SLCO3A1: variants seen among roughly 807,000 people sequenced by gnomAD.
SLCO3A1 encodes solute carrier organic anion transporter family member 3A1.
SLCO3A1 carries 27 observed loss-of-function variants against 63.1 expected under a neutral mutation model. The ratio of observed to expected loss-of-function variants is 0.43; its 90% CI spans 0.32 to 0.59. SLCO3A1 has a LOEUF of 0.59. Ranked by LOEUF, SLCO3A1 falls within the 20% of genes least tolerant of loss-of-function variation. The probability of loss-of-function intolerance (pLI) is 0.09; values close to 1 mark genes in which losing one functional copy is unlikely to be tolerated. For missense variants in SLCO3A1, 773 were observed against 945.8 expected (o/e 0.82, Z 2.40); for synonymous variants, 473 against 409.9 (o/e 1.15, Z -1.86).
chr15:92,101,814 G>A (rs1053534879), intron 3 of SLCO3A1, among the ~76,000 whole-genome samples: 12 of 152,104 alleles, frequency 7.9e-5, no homozygotes, highest in African/African-American at 1.7e-4. Context: ...GTACTTGCCC[G>A]GGTGGCAGGC....
rs1597113844 is a variant in SLCO3A1 at position 91,912,566 on chromosome 15, C to T, written c.181-3427C>T. ...ATCACCCTTATCTGTCATCAATGTG[C>T]ACACCTGCATGATATTTTATGACAC... On this transcript the variant is annotated intron_variant, in intron 1 of 9. Coordinates refer to ENST00000318445, the MANE Select transcript of SLCO3A1 (RefSeq NM_013272.4). This position sits in a 1 kb window ranked among gnomAD's most constrained non-coding sequence, Gnocchi z 5.0. Among the ~76,000 whole-genome samples, 1 of 152,208 alleles carries T rather than the reference C, an allele frequency of 6.6e-6. No homozygotes were observed. Among genetic ancestry groups the T allele is most frequent in the East Asian group, 1.9e-4 (1 of 5,198 alleles).
At chr15:92,083,168 C>A (rs1339654859) in intron 2 of SLCO3A1, among the ~76,000 whole-genome samples, 1 of 152,168 alleles carries the variant, frequency 6.6e-6, no homozygotes, top group Admixed American at 6.5e-5. Context: ...ACCAGCCCTG[C>A]GAGATATTAT....
chr15:91,953,844 A>G (rs1900079971), intron 2 of SLCO3A1, among the ~76,000 whole-genome samples: 2 of 152,096 alleles, frequency 1.3e-5, no homozygotes, highest in South Asian at 2.1e-4. Flanking sequence ...TCTCCATCCA[A>G]CAGTGTCTTG....
At chr15:92,129,868 C>A (rs1289328990) in intron 7 of SLCO3A1, among the ~76,000 whole-genome samples, 1 of 149,486 alleles carries the variant, frequency 6.7e-6, no homozygotes, top group African/African-American at 2.5e-5. Flanking sequence ...GAAAATAAAT[C>A]ACCATGGGGG....
At chr15:92,131,956 T>G (rs1267719047) in intron 7 of SLCO3A1, among the ~76,000 whole-genome samples, 2 of 145,718 alleles carry the variant, frequency 1.4e-5, no homozygotes, top group Non-Finnish European at 3.1e-5. Context: ...CCTCCCTCAT[T>G]AAGCTGCAGG....
At chr15:92,011,883 G>A (rs1400849666) in intron 2 of SLCO3A1, among the ~76,000 whole-genome samples, 1 of 152,230 alleles carries the variant, frequency 6.6e-6, no homozygotes, top group Non-Finnish European at 1.5e-5. Flanking sequence ...TGAACATCAG[G>A]GAACCTCTCA....
chr15:91,916,276 C>G lies in SLCO3A1; in HGVS notation c.464C>G (p.Ser155Trp). The G allele has an allele frequency of 6.4e-7, 1 of 1,551,668 alleles. No homozygotes were observed. The highest frequency in any genetic ancestry group is 1.2e-5 in the South Asian group (1 of 85,220). ...CGCGACGTCTGCGCAGCCAACGGCT[C>G]GGGCGGCGACGAGGGGCCCGACCCC... is the stretch of plus-strand genomic sequence containing the variant. ...EGRDVCAANG[S>W]GGDEGPDPDL... is the part of the protein sequence containing the mutation. The change falls in exon 2 of 10, where the codon TCG becomes TGG. Residue 155 changes from serine (S) to tryptophan (W), a missense_variant. Physicochemically the swap from Ser to Trp is radical, Grantham distance 177 (BLOSUM62 -3). This residue lies in a region of SLCO3A1 where 565 missense variants were observed against 749.8 expected (regional missense o/e 0.75). Coordinates refer to ENST00000318445, the MANE Select transcript of SLCO3A1 (RefSeq NM_013272.4). This position sits in a 1 kb window ranked among gnomAD's most constrained non-coding sequence, Gnocchi z 6.2.
chr15:91,893,959 A>T (rs954394285), intron 1 of SLCO3A1, among the ~76,000 whole-genome samples: 2 of 152,234 alleles, frequency 1.3e-5, no homozygotes, highest in African/African-American at 4.8e-5. Flanking sequence ...CTTGAATGCC[A>T]GGAGGACCAA....
In SLCO3A1 at chr15:91,911,086, A is replaced by G. The variant is rs554851214; in HGVS notation, c.181-4907A>G. Among the ~76,000 whole-genome samples the G allele has an allele frequency of 2.0e-5, 3 of 152,336 alleles. No individual in the cohort carries two copies. In the East Asian group the frequency reaches 5.8e-4, roughly 29 times the overall value. On this transcript the variant is annotated intron_variant, in intron 1 of 9. Coordinates refer to ENST00000318445, the MANE Select transcript of SLCO3A1 (RefSeq NM_013272.4). ...CTCTGAATGTGTCCTGTCCTATGGC[A>G]ACATAGACTGAAGCTCTCCCTTTTG...
intron 2 of SLCO3A1, among the ~76,000 whole-genome samples, chr15:92,079,497 T>A (rs1028166558): frequency 6.6e-6 from 1 of 152,240 alleles, no homozygotes; most frequent in Non-Finnish European, 1.5e-5. Context: ...GTCTGTCCTC[T>A]GTACCTGAGC....
chr15:91,926,573 G>GTT (rs1413995881), intron 2 of SLCO3A1, among the ~76,000 whole-genome samples: 1 of 96,592 alleles, frequency 1.0e-5, no homozygotes, highest in Non-Finnish European at 2.2e-5. Context: ...GTGTGTGTGT[G>GTT]TGTGTGTGTG....
At chr15:92,081,387 A>G (rs553247754) in intron 2 of SLCO3A1, among the ~76,000 whole-genome samples, 18 of 150,030 alleles carry the variant, frequency 1.2e-4, no homozygotes, top group Non-Finnish European at 2.2e-4. Context: ...GTCTCGCTCT[A>G]TTGCCCAGGC....
At position 91,882,317 on chromosome 15, in the gene SLCO3A1, C is replaced by G. The variant is rs973126522; in HGVS notation, c.180+28229C>G. 3.3e-5 allele frequency among the ~76,000 whole-genome samples: 5 copies of G among 152,330 alleles called. No individual in the cohort carries two copies. In the East Asian group the frequency reaches 7.7e-4, roughly 24 times the overall value. On this transcript the variant is annotated intron_variant, in intron 1 of 9. Transcript: ENST00000318445. The surrounding 1 kb of genome is among the most constrained non-coding windows in gnomAD (Gnocchi z 4.4). ...TGGAATTGTGGACAAACCATTCACA[C>G]TCCTTAAATGGTATATATTGAACCC...
chr15:92,063,159 G>A (rs895492891), intron 2 of SLCO3A1, among the ~76,000 whole-genome samples: 2 of 152,224 alleles, frequency 1.3e-5, no homozygotes, highest in African/African-American at 4.8e-5. Flanking sequence ...ACGCTCTGAT[G>A]TTTTACCAGG....
intron 1 of SLCO3A1, among the ~76,000 whole-genome samples, chr15:91,889,681 T>C (rs1897823072): frequency 6.6e-6 from 1 of 152,272 alleles, no homozygotes; most frequent in Admixed American, 6.5e-5. Context: ...GTTCTCTACA[T>C]GTTCCTTTAG....
At position 91,859,890 on chromosome 15, in the gene SLCO3A1, GT is replaced by G. The variant is rs1384309638; in HGVS notation, c.180+5805del. 6.6e-6 allele frequency among the ~76,000 whole-genome samples: 1 copy of G among 152,182 alleles called. No homozygotes were observed. The highest frequency in any genetic ancestry group is 1.9e-4 in the East Asian group (1 of 5,196). ...TTATTTCAATTAAACTTTAGTTTTGGTTTAGTGAATTGCATATTCAAGTAGT... is the reference window on the plus strand; with the variant it reads ...TTATTTCAATTAAACTTTAGTTTTGGTTAGTGAATTGCATATTCAAGTAGT... On this transcript the variant is annotated intron_variant, in intron 1 of 9. Transcript: ENST00000318445. The surrounding 1 kb of genome is among the most constrained non-coding windows in gnomAD (Gnocchi z 5.1).
intron 1 of SLCO3A1, among the ~76,000 whole-genome samples, chr15:91,869,985 GA>G (rs1897250162): frequency 6.6e-6 from 1 of 152,160 alleles, no homozygotes; most frequent in Non-Finnish European, 1.5e-5. Context: ...AGAATTGGGG[GA>G]GAAGGGGGTC....
intron 2 of SLCO3A1, among the ~76,000 whole-genome samples, chr15:92,061,507 C>A (rs1054111057): frequency 7.2e-5 from 11 of 152,196 alleles, no homozygotes; most frequent in African/African-American, 2.7e-4. Context: ...ACTTCCCAAG[C>A]GTTTGTTCAC....
intron 1 of SLCO3A1, among the ~76,000 whole-genome samples, chr15:91,890,468 G>A (rs565114648): frequency 2.0e-5 from 3 of 152,106 alleles, no homozygotes; most frequent in African/African-American, 7.2e-5. Context: ...GACTGCCAGA[G>A]CCCTCCCAGT....
Sources: allele counts gnomAD v4.1 joint callset (sites outside exome capture counted in the v4.1 genomes callset), GRCh38; gene constraint gnomAD v4.1.1; regional missense constraint gnomAD v4.1.1; non-coding constraint Gnocchi (gnomAD v3.1); transcripts MANE v1.5; gene names NCBI Gene and HGNC (gene_info 2026-07-23, HGNC 2026-07-21).